CPED1: variants seen among roughly 807,000 people sequenced by gnomAD.
CPED1 encodes the protein cadherin-like and PC-esterase domain-containing protein 1.
Under a neutral mutation model 128.2 loss-of-function variants are expected in CPED1, and 114 were observed. The ratio of observed to expected loss-of-function variants is 0.89; its 90% confidence interval spans 0.76 to 1.04. The LOEUF (loss-of-function observed/expected upper bound fraction) is 1.04. Ranked by LOEUF, CPED1 falls within the 50% of genes least tolerant of loss-of-function variation. CPED1 has a pLI of 0.00. For missense variants in CPED1, 1,211 were observed against 1,207.1 expected (o/e 1.00, Z -0.05); for synonymous variants, 462 against 426.7 (o/e 1.08, Z -1.02).
chr7:121,188,186 A>G (rs1369471535), intron 16 of CPED1, among the ~76,000 whole-genome samples: 1 of 152,198 alleles, frequency 6.6e-6, no homozygotes, highest in African/African-American at 2.4e-5. Context: ...ACCCAGTGAG[A>G]AGAAATCAGG....
chr7:121,264,436 G>C (rs1792083910), intron 18 of CPED1, among the ~76,000 whole-genome samples: 1 of 152,028 alleles, frequency 6.6e-6, no homozygotes, highest in Admixed American at 6.6e-5. Flanking sequence ...TTATTACACT[G>C]GAATGTTATT....
chr7:121,206,176 G>C (rs114638318), intron 16 of CPED1, among the ~76,000 whole-genome samples: 139 of 152,104 alleles, frequency 9.1e-4, no homozygotes, highest in African/African-American at 3.3e-3. Flanking sequence ...TAGAAGTGGG[G>C]CACAGAGCCT....
At chr7:121,036,367 T>C (rs1489297845) in intron 3 of CPED1, among the ~76,000 whole-genome samples, 1 of 152,024 alleles carries the variant, frequency 6.6e-6, no homozygotes, top group Non-Finnish European at 1.5e-5. Context: ...TGAGAACATA[T>C]GGTGTTTGGT....
rs1023939303 is a variant in CPED1, at chr7:121,284,761, C to T, written c.2869-10679C>T. Reference sequence around the variant, plus strand: ...GGTCTCCCCCAGCCTTGGGCAGCTCCCCTGTGGCTTTGCAGGGTACAGCCT... The same window carrying T: ...GGTCTCCCCCAGCCTTGGGCAGCTCTCCTGTGGCTTTGCAGGGTACAGCCT... On this transcript the variant is annotated intron_variant, in intron 22 of 22. Transcript: ENST00000310396. 2.0e-5 allele frequency among the ~76,000 whole-genome samples: 3 copies of T among 152,212 alleles called. No homozygotes were observed. The East Asian group carries it at 5.8e-4, about 29-fold the overall frequency.
rs530872067 is a variant in CPED1, at chr7:121,180,242, C to T, written c.2055+38101C>T. On this transcript the variant is annotated intron_variant, in intron 16 of 22. Coordinates refer to ENST00000310396, the MANE Select transcript of CPED1 (RefSeq NM_024913.5). ...TTATATTTTCATGTGAGTAGATTATCGCACTGCAGGAGAGACAAGTGTTTT... is the reference window on the plus strand; with the variant it reads ...TTATATTTTCATGTGAGTAGATTATTGCACTGCAGGAGAGACAAGTGTTTT... 2.6e-4 allele frequency among the ~76,000 whole-genome samples: 39 copies of T among 152,110 alleles called. No homozygotes were observed. The South Asian group carries it at 2.7e-3, about 11-fold the overall frequency.
At chr7:121,178,818 G>A (rs1796839353) in intron 16 of CPED1, among the ~76,000 whole-genome samples, 1 of 152,082 alleles carries the variant, frequency 6.6e-6, no homozygotes, top group Non-Finnish European at 1.5e-5. Flanking sequence ...AGGTCATGTA[G>A]CAGGGTTGTC....
intron 16 of CPED1, among the ~76,000 whole-genome samples, chr7:121,189,154 AG>A (rs1472579415): frequency 2.6e-5 from 4 of 152,132 alleles, no homozygotes; most frequent in Non-Finnish European, 5.9e-5. Context: ...CCTTGCTCCA[AG>A]ATAGCTTTCT....
chr7:121,218,384 A>G (rs1022756396), intron 16 of CPED1, among the ~76,000 whole-genome samples: 1 of 151,992 alleles, frequency 6.6e-6, no homozygotes, highest in Non-Finnish European at 1.5e-5. Flanking sequence ...CAACTCTCTT[A>G]GTAGTGCCAC....
chr7:121,285,107 G>A (rs576222798), intron 22 of CPED1, among the ~76,000 whole-genome samples: 29 of 152,254 alleles, frequency 1.9e-4, no homozygotes, highest in Admixed American at 1.3e-3. Context: ...CTGTACACCC[G>A]CAGGTCCAAC....
At chr7:121,150,752 CATTATTATTATT>C (rs10617585) in intron 16 of CPED1, among the ~76,000 whole-genome samples, 2 of 116,372 alleles carry the variant, frequency 1.7e-5, no homozygotes, top group African/African-American at 2.8e-5. Context: ...GAGTCTAAAA[CATTATTATTATT>C]ATTATTATTA....
intron 7 of CPED1, among the ~76,000 whole-genome samples, chr7:121,104,895 C>T (rs1224783540): frequency 6.6e-6 from 1 of 152,106 alleles, no homozygotes; most frequent in Non-Finnish European, 1.5e-5. Context: ...AAATATTATA[C>T]AAATGATCAT....
intron 16 of CPED1, among the ~76,000 whole-genome samples, chr7:121,143,702 T>A (rs1795956095): frequency 6.6e-6 from 1 of 152,044 alleles, no homozygotes; most frequent in Admixed American, 6.6e-5. Context: ...GGAGCATTTT[T>A]TTCATACATT....
intron 16 of CPED1, among the ~76,000 whole-genome samples, chr7:121,222,608 G>C (rs570159700): frequency 4.6e-5 from 7 of 152,218 alleles, no homozygotes; most frequent in African/African-American, 1.4e-4. Context: ...TCTTCCGTTT[G>C]TTTGTGTCCT....
intron 4 of CPED1, among the ~76,000 whole-genome samples, chr7:121,058,160 G>A (rs1738361291): frequency 6.6e-6 from 1 of 152,264 alleles, no homozygotes; most frequent in East Asian, 1.9e-4. Flanking sequence ...GAAGCTCAGC[G>A]ATGGGGCCAT....
chr7:121,096,172 A>G (rs998131849), intron 5 of CPED1, among the ~76,000 whole-genome samples: 1 of 152,098 alleles, frequency 6.6e-6, no homozygotes, highest in African/African-American at 2.4e-5. Flanking sequence ...CTTTATTATG[A>G]TGTATTAGAA....
Position 121,017,770 on chromosome 7 carries a change from A to G in CPED1, c.433+1922A>G, listed in dbSNP as rs1202044143. On this transcript the variant is annotated intron_variant, in intron 3 of 22. Coordinates refer to ENST00000310396, the MANE Select transcript of CPED1 (RefSeq NM_024913.5). ...GATGTTCTTGGGTCAGTTTTACCAC[A>G]AAAAGGAGAATTACTCTGCAGCTTC... 2.0e-5 allele frequency among the ~76,000 whole-genome samples: 3 copies of G among 152,208 alleles called. No homozygotes were observed. In the South Asian group the frequency reaches 6.2e-4, roughly 31 times the overall value.
chr7:121,127,684 C>T (rs1339571233), intron 10 of CPED1, among the ~76,000 whole-genome samples: 6 of 151,688 alleles, frequency 4.0e-5, no homozygotes, highest in African/African-American at 1.5e-4. Flanking sequence ...TACAGGCATG[C>T]ACCACCAAAC....
rs138491151 is a variant in CPED1, at chr7:121,146,534, C to T, written c.2055+4393C>T. On this transcript the variant is annotated intron_variant, in intron 16 of 22. Coordinates refer to ENST00000310396, the MANE Select transcript of CPED1 (RefSeq NM_024913.5). ...TCTCCTTCCCCTATTCTCTTACCTT[C>T]TGAGCATCAACTCTGCATGTTACCA... 5.6e-3 allele frequency among the ~76,000 whole-genome samples: 850 copies of T among 152,226 alleles called. 8 individuals are homozygous for T. Among genetic ancestry groups the T allele is most frequent in the African/African-American group, 0.019 (786 of 41,554 alleles).
chr7:121,055,591 A>G lies in CPED1; in HGVS notation c.540+8598A>G, dbSNP rs943940232. 2.1e-4 allele frequency among the ~76,000 whole-genome samples: 31 copies of G among 150,142 alleles called. 1 individual carries two copies. The highest frequency in any genetic ancestry group is 7.5e-4 in the African/African-American group (31 of 41,244). On this transcript the variant is annotated intron_variant, in intron 4 of 22. Transcript: ENST00000310396. Reference sequence around the variant, plus strand: ...ATATGTGTAAAAATATAGATATAATAAATAATTATGATATAATTATACATA... The same window carrying G: ...ATATGTGTAAAAATATAGATATAATGAATAATTATGATATAATTATACATA...
Sources: allele counts gnomAD v4.1 joint callset (sites outside exome capture counted in the v4.1 genomes callset), GRCh38; gene constraint gnomAD v4.1.1; transcripts MANE v1.5; gene names NCBI Gene and HGNC (gene_info 2026-07-23, HGNC 2026-07-21).